The following PRR5 variants were observed in gnomAD, a reference collection of about 807,000 sequenced individuals.
The protein encoded by PRR5 is proline-rich protein 5.
Under a neutral mutation model 30.6 loss-of-function variants are expected in PRR5, and 25 were observed. The ratio of observed to expected loss-of-function variants is 0.82; its 90% confidence interval spans 0.60 to 1.14. The LOEUF (loss-of-function observed/expected upper bound fraction) is 1.14. PRR5 is among the 50% of genes most tolerant of loss of function. The pLI is 0.00. For synonymous variants in PRR5, 286 were observed against 247.1 expected, an observed-to-expected ratio of 1.16 and a Z score of -1.48; for missense variants, 600 against 547.1, an observed-to-expected ratio of 1.10 and a Z score of -0.96.
chr22:44,730,258 C>T (rs1921702596), intron 4 of PRR5: 5 of 984,816 alleles, frequency 5.1e-6, no homozygotes, highest in Non-Finnish European at 6.0e-6. Flanking sequence ...TGGCCGGGGG[C>T]GCAGCCTGAG....
intron 4 of PRR5, 128 bp downstream of exon 4, chr22:44,726,762 G>A (rs1920963702): frequency 1.4e-6 from 2 of 1,408,074 alleles, no homozygotes; most frequent in Non-Finnish European, 9.8e-7. Context: ...GGCTTGGAAG[G>A]AACACGTATA....
chr22:44,728,615 A>G (rs1921300669), intron 4 of PRR5, among the ~76,000 whole-genome samples: 1 of 152,168 alleles, frequency 6.6e-6, no homozygotes, highest in Non-Finnish European at 1.5e-5. Flanking sequence ...GTTCAGGGGA[A>G]CTTGTGGTCC....
intron 1 of PRR5, among the ~76,000 whole-genome samples, chr22:44,693,696 C>G (rs954527089): frequency 3.4e-5 from 5 of 145,152 alleles, no homozygotes; most frequent in African/African-American, 1.3e-4. Context: ...GTGGCTCACT[C>G]GGCTCAGTGC....
At chr22:44,732,168 CCT>C (rs974642952) in intron 5 of PRR5, 81 bp from the exon 6 acceptor site, 2 of 1,570,778 alleles carry the variant, frequency 1.3e-6, no homozygotes, top group African/African-American at 2.7e-5. Context: ...GTCTCTTCCC[CCT>C]GTGGGGTCCC....
At chr22:44,701,234 A>G (rs1002502416), upstream of PRR5, among the ~76,000 whole-genome samples, 7 of 152,114 alleles carry the variant, frequency 4.6e-5, no homozygotes, top group Admixed American at 2.6e-4. Context: ...GTCACCCCCC[A>G]TCTGATGGAG....
At chr22:44,677,563 G>A (rs1923875364) in intron 1 of PRR5, among the ~76,000 whole-genome samples, 1 of 152,250 alleles carries the variant, frequency 6.6e-6, no homozygotes, top group Non-Finnish European at 1.5e-5. Flanking sequence ...ACGAAGGGCA[G>A]GGGGTTCAGA....
intron 2 of PRR5, among the ~76,000 whole-genome samples, chr22:44,719,586 C>G (rs1011127996): frequency 1.3e-5 from 2 of 152,180 alleles, no homozygotes; most frequent in Non-Finnish European, 2.9e-5. Flanking sequence ...TGCTTAGTGG[C>G]CTGGGCTGCT....
chr22:44,686,339 T>C (rs9614559), intron 1 of PRR5, among the ~76,000 whole-genome samples: 1 of 151,958 alleles, frequency 6.6e-6, no homozygotes, highest in Non-Finnish European at 1.5e-5. Flanking sequence ...TTGTTGTTGT[T>C]GTTGTTGATT....
rs1462792303 is a variant in PRR5 at position 44,737,491 on chromosome 22, G to A, written c.*244G>A. The A allele has an allele frequency of 1.4e-6, 1 of 737,896 alleles. No individual in the cohort carries two copies. The highest frequency in any genetic ancestry group is 2.0e-6 in the Non-Finnish European group (1 of 494,430). 45.7% of individuals were successfully genotyped at this position (737,896 alleles called of 1,614,324 possible). On this transcript the variant is annotated 3_prime_UTR_variant, in exon 8 of 8. Coordinates refer to ENST00000336985, the MANE Select transcript of PRR5 (RefSeq NM_181333.4). ...TACCCAGGGGCCGGGCCAGAGACGG[G>A]GGTCGGCCGCTCGCTCCCACGCTCC...
intron 1 of PRR5, among the ~76,000 whole-genome samples, chr22:44,694,183 T>G (rs1159167828): frequency 5.3e-5 from 8 of 152,204 alleles, no homozygotes; most frequent in Non-Finnish European, 1.2e-4. Context: ...CAGGCACCTG[T>G]GTGGTGCTGG....
At chr22:44,673,732 C>G (rs1049509245), upstream of PRR5, among the ~76,000 whole-genome samples, 1 of 152,064 alleles carries the variant, frequency 6.6e-6, no homozygotes, top group Non-Finnish European at 1.5e-5. Context: ...TAAATAGACC[C>G]CCTGTGGAAA....
At chr22:44,676,490 C>T (rs185446731), upstream of PRR5, among the ~76,000 whole-genome samples, 1 of 151,974 alleles carries the variant, frequency 6.6e-6, no homozygotes, top group African/African-American at 2.4e-5. Context: ...ATGGCCCTCC[C>T]CACAGTCACA....
chr22:44,702,394 C>G lies in PRR5; in HGVS notation c.-81C>G. On this transcript the variant is annotated 5_prime_UTR_variant, in exon 1 of 8. Coordinates refer to ENST00000336985, the MANE Select transcript of PRR5 (RefSeq NM_181333.4). ...AGTTTCCGCGTAGAGGGCGCATCGC[C>G]GGCCCGGGGCCCTTGGTGCGGCGTG... 1 of 1,216,112 alleles carries G rather than the reference C, an allele frequency of 8.2e-7. No individual in the cohort carries two copies. The highest frequency in any genetic ancestry group is 1.0e-6 in the Non-Finnish European group (1 of 975,710). The allele number at this position is 1,216,112 out of a possible 1,614,324, so 75.3% of individuals were successfully genotyped here.
intron 4 of PRR5, among the ~76,000 whole-genome samples, chr22:44,727,459 C>T (rs1054547164): frequency 3.3e-5 from 5 of 152,324 alleles, no homozygotes; most frequent in South Asian, 4.1e-4. Flanking sequence ...GTGTGTGCGT[C>T]CCTCCGTGCT....
chr22:44,732,115 G>A (rs1246940230), intron 5 of PRR5, 136 bp from the exon 6 acceptor site: 3 of 1,387,102 alleles, frequency 2.2e-6, no homozygotes, highest in African/African-American at 1.4e-5. Flanking sequence ...TTGGGACGGG[G>A]TCATCTGAGG....
At chr22:44,669,937 C>CT (rs1465791569) in intron 1 of PRR5, among the ~76,000 whole-genome samples, 1 of 152,194 alleles carries the variant, frequency 6.6e-6, no homozygotes, top group Non-Finnish European at 1.5e-5. Flanking sequence ...TGGGGGTAAG[C>CT]TGGGGCTCTC....
intron 1 of PRR5, among the ~76,000 whole-genome samples, chr22:44,680,360 C>T (rs1470434298): frequency 3.3e-5 from 5 of 152,156 alleles, no homozygotes; most frequent in Non-Finnish European, 7.4e-5. Flanking sequence ...GCATGTCCCT[C>T]CCCCACCCTA....
chr22:44,730,736 GA>G lies in PRR5; in HGVS notation c.323-993del, dbSNP rs960653325. 17 of 908,076 alleles carry G rather than the reference GA, an allele frequency of 1.9e-5. No homozygotes were observed. In the African/African-American group the frequency reaches 2.4e-4, roughly 13 times the overall value. 56.3% of individuals were successfully genotyped at this position (908,076 alleles called of 1,614,324 possible). ...ACCCTCTGCACCCTCTTCTTCCTTC[GA>G]CGTGGTGCTGCTATTGGAAGGGGTC... On this transcript the variant is annotated intron_variant, in intron 4 of 7. Coordinates refer to ENST00000336985, the MANE Select transcript of PRR5 (RefSeq NM_181333.4).
intron 1 of PRR5, among the ~76,000 whole-genome samples, chr22:44,712,692 G>C (rs975129063): frequency 5.9e-5 from 9 of 152,220 alleles, no homozygotes; most frequent in African/African-American, 2.2e-4. Flanking sequence ...GCAGCTGCCT[G>C]CTTTGTGGTG....
Sources: gnomAD v4.1 joint callset for allele counts (sites outside exome capture counted in the v4.1 genomes callset) on GRCh38, gnomAD v4.1.1 for gene constraint, MANE v1.5 for transcripts, NCBI Gene and HGNC (gene_info 2026-07-23, HGNC 2026-07-21) for gene names.